Variants in ADCY1 observed in about 807,000 individuals in gnomAD.
ADCY1 encodes adenylate cyclase 1, also known as adenylate cyclase type 1.
In ADCY1, 28 loss-of-function variants were observed where a neutral mutation model predicts 105.4. That is an observed-to-expected ratio of 0.27 (90% CI 0.20 to 0.36). The LOEUF (loss-of-function observed/expected upper bound fraction) is 0.36. Ranked by LOEUF, ADCY1 falls within the 10% of genes least tolerant of loss-of-function variation. The probability of loss-of-function intolerance (pLI) is 1.00; values close to 1 mark genes in which losing one functional copy is unlikely to be tolerated. For synonymous variants in ADCY1, 655 were observed against 623.8 expected (o/e 1.05, Z -0.75); for missense variants, 977 against 1,434.2 (o/e 0.68, Z 5.15).
Position 45,686,398 on chromosome 7 carries a change from T to C in ADCY1, c.2328-149T>C. The C allele has an allele frequency of 7.1e-7, 1 of 1,405,554 alleles. No homozygotes were observed. Among genetic ancestry groups the C allele is most frequent in the Non-Finnish European group, 9.5e-7 (1 of 1,051,350 alleles). The allele number at this position is 1,405,554 out of a possible 1,614,324, so 87.1% of individuals were successfully genotyped here. On this transcript the variant is annotated intron_variant, in intron 13 of 19. Coordinates refer to ENST00000297323, the MANE Select transcript of ADCY1 (RefSeq NM_021116.4). The surrounding 1 kb of genome is among the most constrained non-coding windows in gnomAD (Gnocchi z 4.3). Reference sequence around the variant, plus strand: ...AGCAAGGACTCAGATTTCCCTATGATAAGTGATTCTTGGCCAAGGTCAATC... The same window carrying C: ...AGCAAGGACTCAGATTTCCCTATGACAAGTGATTCTTGGCCAAGGTCAATC...
chr7:45,621,644 C>T (rs1005636877), intron 3 of ADCY1, among the ~76,000 whole-genome samples: 1 of 152,112 alleles, frequency 6.6e-6, no homozygotes, highest in East Asian at 1.9e-4. Context: ...AATTCTGAAC[C>T]CTACTTCCCT....
chr7:45,662,279 C>T, intron 8 of ADCY1, 65 bp downstream of exon 8: 1 of 1,524,724 alleles, frequency 6.6e-7, no homozygotes, highest in Non-Finnish European at 8.8e-7. Flanking sequence ...CCTGCCCTCC[C>T]AATATGGCCC....
intron 3 of ADCY1, among the ~76,000 whole-genome samples, chr7:45,612,162 T>G (rs963809425): frequency 4.6e-5 from 7 of 152,190 alleles, no homozygotes; most frequent in African/African-American, 1.7e-4. Flanking sequence ...AGGAGGATGC[T>G]TAAGCAATGT....
intron 4 of ADCY1, among the ~76,000 whole-genome samples, chr7:45,624,766 C>A (rs1554320331): frequency 1.3e-5 from 2 of 152,180 alleles, no homozygotes; most frequent in Non-Finnish European, 2.9e-5. Flanking sequence ...TGCTTCCCAC[C>A]CCTTCAGCAG....
intron 1 of ADCY1, among the ~76,000 whole-genome samples, chr7:45,583,035 A>G (rs1047359403): frequency 6.6e-6 from 1 of 152,178 alleles, no homozygotes; most frequent in Non-Finnish European, 1.5e-5. Flanking sequence ...TGGAGCTGAG[A>G]AGAGCTGTCT....
At chr7:45,662,000 G>T in intron 7 of ADCY1, 59 bp from the exon 8 acceptor site, 2 of 1,562,560 alleles carry the variant, frequency 1.3e-6, no homozygotes, top group South Asian at 2.4e-5. Flanking sequence ...TTCCCAGTCC[G>T]AGAGGCACAA....
intron 14 of ADCY1, among the ~76,000 whole-genome samples, chr7:45,692,700 G>C (rs895413310): frequency 6.6e-6 from 1 of 152,186 alleles, no homozygotes; most frequent in Non-Finnish European, 1.5e-5. Flanking sequence ...CCCCATCCCA[G>C]ACACACACAA....
intron 8 of ADCY1, among the ~76,000 whole-genome samples, chr7:45,672,784 T>C (rs948286141): frequency 1.4e-4 from 21 of 152,194 alleles, no homozygotes; most frequent in Admixed American, 1.4e-3. Context: ...CTTTCCCATC[T>C]GTATGCCTTT....
chr7:45,691,089 G>A (rs1258837944), intron 14 of ADCY1, among the ~76,000 whole-genome samples: 1 of 152,180 alleles, frequency 6.6e-6, no homozygotes, highest in Non-Finnish European at 1.5e-5. Context: ...TCTCATCTGG[G>A]TTGACATGGC....
At chr7:45,705,731 CAG>C (rs1202302721) in intron 17 of ADCY1, among the ~76,000 whole-genome samples, 1 of 152,122 alleles carries the variant, frequency 6.6e-6, no homozygotes, top group Non-Finnish European at 1.5e-5. Context: ...AGAAAGAAAA[CAG>C]AAGGCATACA....
chr7:45,601,764 C>T (rs534830885), intron 2 of ADCY1, among the ~76,000 whole-genome samples: 6 of 152,182 alleles, frequency 3.9e-5, no homozygotes, highest in South Asian at 2.1e-4. Context: ...CTAGTGAACT[C>T]GGGATGAGAG....
intron 8 of ADCY1, 32 bp downstream of exon 8, chr7:45,662,246 A>G: frequency 6.2e-7 from 1 of 1,600,756 alleles, no homozygotes; most frequent in Non-Finnish European, 8.5e-7. Flanking sequence ...GCCATGCTGG[A>G]GCTGCCAGGG....
chr7:45,679,569 G>A (rs1784518901), intron 10 of ADCY1, 140 bp from the exon 11 acceptor site: 1 of 783,618 alleles, frequency 1.3e-6, no homozygotes, highest in Non-Finnish European at 2.2e-6. Context: ...AGACCTGAGT[G>A]GCAGGCATCC....
chr7:45,704,029 G>C (rs1233172569), intron 16 of ADCY1, among the ~76,000 whole-genome samples: 1 of 152,234 alleles, frequency 6.6e-6, no homozygotes, highest in Non-Finnish European at 1.5e-5. Context: ...AGTGGCCAGG[G>C]CTGGGCAGCC....
chr7:45,682,667 G>A (rs56198500), intron 11 of ADCY1, among the ~76,000 whole-genome samples: 15,286 of 152,172 alleles, frequency 0.1, 1,022 homozygotes, highest in Middle Eastern at 0.16. Context: ...CCTTCTCGCC[G>A]TCCTAGGGCT....
At chr7:45,663,203 C>T (rs79853373) in intron 8 of ADCY1, among the ~76,000 whole-genome samples, 2,480 of 152,340 alleles carry the variant, frequency 0.016, 28 homozygotes, top group Non-Finnish European at 0.027. Flanking sequence ...CTCTGCTACC[C>T]GCACCTCCAG....
chr7:45,684,555 A>G (rs1330340545), intron 11 of ADCY1: 1 of 153,480 alleles, frequency 6.5e-6, no homozygotes, highest in African/African-American at 2.4e-5. Flanking sequence ...AAAATTTCTA[A>G]TAACTCTATA....
chr7:45,594,113 A>C (rs2115785804), intron 2 of ADCY1, among the ~76,000 whole-genome samples: 1 of 152,052 alleles, frequency 6.6e-6, no homozygotes, highest in East Asian at 1.9e-4. Flanking sequence ...GTGTGGTTGC[A>C]TGTGTGTGTG....
intron 4 of ADCY1, among the ~76,000 whole-genome samples, chr7:45,645,583 C>G (rs1794638524): frequency 6.6e-6 from 1 of 152,130 alleles, no homozygotes; most frequent in African/African-American, 2.4e-5. Flanking sequence ...CTGTCCCACT[C>G]CAGGGATAGG....
Sources: gnomAD v4.1 joint callset for allele counts (sites outside exome capture counted in the v4.1 genomes callset) on GRCh38, gnomAD v4.1.1 for gene constraint, Gnocchi (gnomAD v3.1) non-coding constraint, MANE v1.5 for transcripts, NCBI Gene and HGNC (gene_info 2026-07-23, HGNC 2026-07-21) for gene names.